WDR45B: variants seen among roughly 807,000 people sequenced by gnomAD.
The protein encoded by WDR45B is WD repeat domain phosphoinositide-interacting protein 3.
Under a neutral mutation model 44.6 loss-of-function variants are expected in WDR45B, and 20 were observed. The observed-to-expected ratio is 0.45, with a 90% CI of 0.32 to 0.65. The LOEUF is 0.65. WDR45B is among the 30% of genes least tolerant of loss of function. The probability of loss-of-function intolerance (pLI) is 0.05; values close to 1 mark genes in which losing one functional copy is unlikely to be tolerated. For synonymous variants in WDR45B, 169 were observed against 164.9 expected (o/e 1.02, Z -0.19); for missense variants, 323 against 430.2 (o/e 0.75, Z 2.20).
At chr17:82,617,448 C>T in intron 7 of WDR45B, 51 bp from the exon 8 acceptor site, 1 of 1,579,766 alleles carries the variant, frequency 6.3e-7, no homozygotes, top group Non-Finnish European at 8.7e-7. Flanking sequence ...TGGAGGAGTC[C>T]AGAGACTTAA....
chr17:82,623,302 G>A (rs2045644101), intron 5 of WDR45B, among the ~76,000 whole-genome samples: 2 of 150,374 alleles, frequency 1.3e-5, no homozygotes, highest in Admixed American at 6.7e-5. Context: ...CAGGAGAATC[G>A]CTTGAACCCA....
At chr17:82,647,774 A>C (rs1423418380) in intron 1 of WDR45B, among the ~76,000 whole-genome samples, 1 of 151,922 alleles carries the variant, frequency 6.6e-6, no homozygotes, top group Non-Finnish European at 1.5e-5. Flanking sequence ...CAGTAAACCC[A>C]AGCGAAGTCA....
Position 82,615,774 on chromosome 17 carries a change from A to G in WDR45B, c.*145T>C, listed in dbSNP as rs906212399. ...ATACTGGAAATGGGAGTCCTTAGGA[A>G]AGCAGACAACCACGTATGGCTTCGA... is the stretch of plus-strand genomic sequence containing the variant. On this transcript the variant is annotated 3_prime_UTR_variant, in exon 10 of 10. Coordinates refer to ENST00000392325, the MANE Select transcript of WDR45B (RefSeq NM_019613.4). 1.2e-5 allele frequency: 9 copies of G among 729,814 alleles called. No homozygotes were observed. In the African/African-American group the frequency reaches 1.6e-4, roughly 13 times the overall value. The allele number at this position is 729,814 out of a possible 1,614,324, so 45.2% of individuals were successfully genotyped here. A position where few individuals can be genotyped will look rare whatever the true frequency, so the allele number is the denominator to read the frequency against.
chr17:82,627,674 C>G (rs1033377141), intron 3 of WDR45B, among the ~76,000 whole-genome samples: 4 of 152,274 alleles, frequency 2.6e-5, no homozygotes, highest in African/African-American at 9.6e-5. Flanking sequence ...TGCTCCCTCC[C>G]CGTCCGTTCC....
rs940214517 is a variant in WDR45B at position 82,646,834 on chromosome 17, G to A, written c.67+1440C>T. On this transcript the variant is annotated intron_variant, in intron 1 of 9. Coordinates refer to ENST00000392325, the MANE Select transcript of WDR45B (RefSeq NM_019613.4). ...ACCATCTCAGCAAAACTTTCTTCCG[G>A]AGAAACCCCAGCACACAACCCTGGG... Among the ~76,000 whole-genome samples the A allele has an allele frequency of 2.0e-5, 3 of 152,184 alleles. No individual in the cohort carries two copies. In the South Asian group the frequency reaches 6.2e-4, roughly 32 times the overall value.
chr17:82,616,388 A>G, intron 9 of WDR45B, 136 bp downstream of exon 9: 1 of 1,395,536 alleles, frequency 7.2e-7, no homozygotes, highest in Non-Finnish European at 1.0e-6. Flanking sequence ...AGCCCACAGG[A>G]GAAATAAGGG....
At chr17:82,625,625 A>G in intron 4 of WDR45B, 142 bp from the exon 5 acceptor site, 1 of 883,208 alleles carries the variant, frequency 1.1e-6, no homozygotes, top group Non-Finnish European at 1.8e-6. Context: ...AAAGCTCTGG[A>G]GGCAGGTAGC....
intron 2 of WDR45B, among the ~76,000 whole-genome samples, chr17:82,638,418 C>T (rs1171344001): frequency 6.6e-6 from 1 of 151,528 alleles, no homozygotes. Context: ...AAAGACTAAC[C>T]AGGTCTGTGG....
intron 1 of WDR45B, among the ~76,000 whole-genome samples, chr17:82,644,953 G>T (rs887019115): frequency 6.6e-6 from 1 of 152,132 alleles, no homozygotes; most frequent in Admixed American, 6.5e-5. Context: ...CTGAGGTCAG[G>T]AGTTCGAGAC....
rs1331394874 is a variant in WDR45B at position 82,615,674 on chromosome 17, C to G, written c.*245G>C. On this transcript the variant is annotated 3_prime_UTR_variant, in exon 10 of 10. Transcript: ENST00000392325. ...AACGTCACAGCTGAACTCATGGGAA[C>G]AGCCAGTGGCCGCCAGTCGAGCTGG... is the stretch of plus-strand genomic sequence containing the variant. 1.8e-6 allele frequency: 1 copy of G among 541,698 alleles called. No homozygotes were observed. 33.6% of individuals were successfully genotyped at this position (541,698 alleles called of 1,614,324 possible). A position where few individuals can be genotyped will look rare whatever the true frequency, so the allele number is the denominator to read the frequency against.
At chr17:82,620,739 G>A (rs1207547508) in intron 6 of WDR45B, among the ~76,000 whole-genome samples, 2 of 152,132 alleles carry the variant, frequency 1.3e-5, no homozygotes, top group Non-Finnish European at 2.9e-5. Context: ...AATTTTCTTT[G>A]TAAAAATCTG....
chr17:82,646,979 C>T (rs1044561990), intron 1 of WDR45B, among the ~76,000 whole-genome samples: 11 of 152,190 alleles, frequency 7.2e-5, no homozygotes, highest in Non-Finnish European at 1.5e-4. Context: ...CGCCTGTAAT[C>T]CCAGCACTTT....
intron 1 of WDR45B, among the ~76,000 whole-genome samples, chr17:82,646,520 CA>C (rs1203250560): frequency 5.0e-5 from 5 of 100,864 alleles, no homozygotes; most frequent in African/African-American, 1.4e-4. Flanking sequence ...AAACCCAAAA[CA>C]AAAAAACAGC....
intron 4 of WDR45B, 52 bp from the exon 5 acceptor site, chr17:82,625,535 C>T: frequency 1.4e-6 from 2 of 1,477,326 alleles, no homozygotes; most frequent in Non-Finnish European, 1.9e-6. Context: ...CAAACCCAAA[C>T]ATTTTATGCT....
At chr17:82,629,705 C>T (rs991213491) in intron 3 of WDR45B, 3 of 985,290 alleles carry the variant, frequency 3.0e-6, no homozygotes, top group East Asian at 1.1e-4. Context: ...CGCACATTCA[C>T]GTTCACGCAG....
intron 2 of WDR45B, among the ~76,000 whole-genome samples, chr17:82,633,736 C>T (rs1348119769): frequency 1.3e-5 from 2 of 152,128 alleles, no homozygotes; most frequent in East Asian, 3.9e-4. Flanking sequence ...AGAGGCTGGG[C>T]ACAGCAGCTC....
chr17:82,627,327 C>T, intron 3 of WDR45B, 36 bp from the exon 4 acceptor site: 1 of 1,548,056 alleles, frequency 6.5e-7, no homozygotes, highest in Non-Finnish European at 8.9e-7. Flanking sequence ...ATGCAGTCAT[C>T]AGCAGGCCAT....
chr17:82,614,807 T>G lies in WDR45B; in HGVS notation c.*1112A>C, dbSNP rs1478162712. The G allele has an allele frequency of 6.6e-6, 1 of 151,688 alleles. No individual in the cohort carries two copies. The highest frequency in any genetic ancestry group is 1.9e-4 in the East Asian group (1 of 5,194). 9.4% of individuals were successfully genotyped at this position (151,688 alleles called of 1,614,324 possible). A position where few individuals can be genotyped will look rare whatever the true frequency, so the allele number is the denominator to read the frequency against. On this transcript the variant is annotated 3_prime_UTR_variant, in exon 10 of 10. Transcript: ENST00000392325. ...GCAATCTGAAATCAAAACCATAAAA[T>G]AGAGTTTAACGGGAATTTAAGAAAA... is the stretch of plus-strand genomic sequence containing the variant.
intron 6 of WDR45B, among the ~76,000 whole-genome samples, chr17:82,621,054 C>CTT (rs11337047): frequency 3.8e-5 from 5 of 131,324 alleles, no homozygotes; most frequent in Admixed American, 7.5e-5. Flanking sequence ...ATTTTTGTTT[C>CTT]TTTTTTTTTT....
Sources: gnomAD v4.1 joint callset for allele counts (sites outside exome capture counted in the v4.1 genomes callset) on GRCh38, gnomAD v4.1.1 for gene constraint, MANE v1.5 for transcripts, NCBI Gene and HGNC (gene_info 2026-07-23, HGNC 2026-07-21) for gene names.